Variants in EXOC6 observed in about 807,000 individuals in gnomAD.
EXOC6 encodes SEC15-like 1.
EXOC6 carries 60 observed loss-of-function variants against 112.5 expected under a neutral mutation model. The observed-to-expected ratio is 0.53, with a 90% CI of 0.43 to 0.66. The LOEUF (loss-of-function observed/expected upper bound fraction) is 0.66. EXOC6 is among the 30% of genes least tolerant of loss of function. The pLI is 0.00. For missense variants in EXOC6, 855 were observed against 957.1 expected, an observed-to-expected ratio of 0.89 and a Z score of 1.41; for synonymous variants, 295 against 308.0, an observed-to-expected ratio of 0.96 and a Z score of 0.44.
intron 15 of EXOC6, among the ~76,000 whole-genome samples, chr10:92,953,206 G>A (rs527866821): frequency 9.2e-5 from 14 of 152,046 alleles, no homozygotes; most frequent in Admixed American, 8.5e-4. Flanking sequence ...AGCCTCCCAA[G>A]TAGCTGGAAC....
chr10:92,912,972 A>G (rs1850873247), intron 6 of EXOC6, among the ~76,000 whole-genome samples: 1 of 151,402 alleles, frequency 6.6e-6, no homozygotes, highest in Non-Finnish European at 1.5e-5. Context: ...GTGATGTGAA[A>G]CCTCCCTGAC....
chr10:93,025,043 C>T (rs1447641311), intron 20 of EXOC6, among the ~76,000 whole-genome samples: 7 of 152,118 alleles, frequency 4.6e-5, no homozygotes, highest in Admixed American at 3.3e-4. Flanking sequence ...TGACAGGAGA[C>T]AGAATCAAAG....
chr10:92,854,842 T>C (rs1313328705), intron 1 of EXOC6, among the ~76,000 whole-genome samples: 2 of 152,226 alleles, frequency 1.3e-5, no homozygotes, highest in African/African-American at 2.4e-5. Flanking sequence ...ATGTCTTTGA[T>C]ATGAGAATGA....
At chr10:92,873,889 A>C (rs542974262) in intron 1 of EXOC6, among the ~76,000 whole-genome samples, 2 of 152,024 alleles carry the variant, frequency 1.3e-5, no homozygotes, top group South Asian at 2.1e-4. Flanking sequence ...CATTTCTACT[A>C]AAATATAAAA....
intron 20 of EXOC6, among the ~76,000 whole-genome samples, chr10:93,036,409 A>G (rs11187252): frequency 6.6e-6 from 1 of 152,126 alleles, no homozygotes; most frequent in Admixed American, 6.5e-5. Flanking sequence ...CATGCAACAT[A>G]TGCTTTCATA....
intron 1 of EXOC6, among the ~76,000 whole-genome samples, chr10:92,858,442 T>C (rs1847731538): frequency 6.6e-6 from 1 of 152,162 alleles, no homozygotes; most frequent in African/African-American, 2.4e-5. Context: ...TTTTCTCTCT[T>C]ACTGTTTTTT....
intron 4 of EXOC6, among the ~76,000 whole-genome samples, chr10:92,896,455 C>G (rs2133827359): frequency 1.3e-5 from 2 of 150,576 alleles, no homozygotes; most frequent in East Asian, 3.9e-4. Flanking sequence ...CCTCGGCCTC[C>G]CAAAGTGCTA....
chr10:92,903,218 T>G (rs910868803), intron 5 of EXOC6, among the ~76,000 whole-genome samples: 5 of 152,094 alleles, frequency 3.3e-5, no homozygotes, highest in Non-Finnish European at 7.4e-5. Context: ...AGCAATGTAT[T>G]AATATAAGAA....
At chr10:92,976,023 G>A (rs1307147352) in intron 18 of EXOC6, among the ~76,000 whole-genome samples, 1 of 113,220 alleles carries the variant, frequency 8.8e-6, no homozygotes, top group African/African-American at 3.6e-5. Context: ...TGCCCGGCCA[G>A]CCGCCGCGTC....
intron 18 of EXOC6, among the ~76,000 whole-genome samples, chr10:92,994,552 A>C (rs546417929): frequency 6.6e-5 from 10 of 152,194 alleles, no homozygotes; most frequent in African/African-American, 2.2e-4. Flanking sequence ...AGTTGCAATT[A>C]ATTTTTCAGA....
chr10:92,912,462 T>A (rs1340418732), intron 6 of EXOC6, among the ~76,000 whole-genome samples: 1 of 152,050 alleles, frequency 6.6e-6, no homozygotes, highest in African/African-American at 2.4e-5. Flanking sequence ...CATTTATTAT[T>A]AAGTTTAGTG....
At chr10:92,868,586 A>G (rs1000711716) in intron 1 of EXOC6, among the ~76,000 whole-genome samples, 1 of 152,070 alleles carries the variant, frequency 6.6e-6, no homozygotes, top group Non-Finnish European at 1.5e-5. Context: ...TAGAACACTC[A>G]AAGTATTTGA....
At chr10:92,919,960 T>G (rs1851335774) in intron 7 of EXOC6, 22 bp from the exon 8 acceptor site, 3 of 1,534,656 alleles carry the variant, frequency 2.0e-6, no homozygotes, top group Non-Finnish European at 2.7e-6. Flanking sequence ...TATAATTTTT[T>G]TAAAAATGGT....
chr10:92,977,265 A>G (rs1842659966), intron 18 of EXOC6, among the ~76,000 whole-genome samples: 2 of 139,410 alleles, frequency 1.4e-5, no homozygotes, highest in African/African-American at 5.4e-5. Flanking sequence ...TCTGCTTGGA[A>G]TGGGGAAAAA....
At chr10:92,933,432 A>G (rs2133951874) in intron 9 of EXOC6, among the ~76,000 whole-genome samples, 1 of 152,328 alleles carries the variant, frequency 6.6e-6, no homozygotes, top group Non-Finnish European at 1.5e-5. Flanking sequence ...AGCAAGTATC[A>G]GGAAATATCA....
At chr10:92,855,479 A>T (rs938585772) in intron 1 of EXOC6, among the ~76,000 whole-genome samples, 3 of 152,176 alleles carry the variant, frequency 2.0e-5, no homozygotes, top group African/African-American at 7.2e-5. Context: ...GAGCTTGTGA[A>T]TGATTAATGT....
At chr10:92,837,799 A>G (rs929704471) in intron 1 of EXOC6, among the ~76,000 whole-genome samples, 3 of 152,214 alleles carry the variant, frequency 2.0e-5, no homozygotes, top group African/African-American at 7.2e-5. Context: ...AAAGGTTAGG[A>G]TACTGGGACT....
At chr10:92,834,184 C>G (rs1564758623), upstream of EXOC6, among the ~76,000 whole-genome samples, 1 of 152,090 alleles carries the variant, frequency 6.6e-6, no homozygotes. Context: ...AGGAATTAGC[C>G]TAGTGACCTC....
chr10:93,018,476 C>T (rs1226660982), intron 20 of EXOC6, among the ~76,000 whole-genome samples: 1 of 152,134 alleles, frequency 6.6e-6, no homozygotes, highest in East Asian at 1.9e-4. Flanking sequence ...TGTTTTATTT[C>T]CTGCTGGTCT....
Sources: allele counts gnomAD v4.1 joint callset (sites outside exome capture counted in the v4.1 genomes callset), GRCh38; gene constraint gnomAD v4.1.1; transcripts MANE v1.5; gene names NCBI Gene and HGNC (gene_info 2026-07-23, HGNC 2026-07-21).